Variants in ABCA5 observed in about 807,000 individuals in gnomAD.
ABCA5 encodes ATP binding cassette subfamily A member 5.
Under a neutral mutation model 206.0 loss-of-function variants are expected in ABCA5, and 163 were observed. The ratio of observed to expected loss-of-function variants is 0.79; its 90% confidence interval spans 0.70 to 0.90. The LOEUF is 0.90. Ranked by LOEUF, ABCA5 falls within the 40% of genes least tolerant of loss-of-function variation. The pLI, the probability that ABCA5 is intolerant of heterozygous loss-of-function variation, is 0.00. For missense variants in ABCA5, 1,859 were observed against 1,912.9 expected, an observed-to-expected ratio of 0.97 and a Z score of 0.53; for synonymous variants, 609 against 613.8, an observed-to-expected ratio of 0.99 and a Z score of 0.11.
chr17:69,318,992 T>A, intron 1 of ABCA5: 1 of 502,604 alleles, frequency 2.0e-6, no homozygotes, highest in South Asian at 2.4e-5. Context: ...GAAAAACCCA[T>A]GTCTCCCTCT....
Position 69,311,184 on chromosome 17 carries a change from T to C in ABCA5, c.308-1761A>G, listed in dbSNP as rs1221213134. Among the ~76,000 whole-genome samples, 9 of 151,598 alleles carry C rather than the reference T, an allele frequency of 5.9e-5. 1 individual carries two copies. Among genetic ancestry groups the C allele is most frequent in the Admixed American group, 5.9e-4 (9 of 15,184 alleles). On this transcript the variant is annotated intron_variant, in intron 3 of 38. Transcript: ENST00000392676. ...AAACCAGCTTGACAGTGAGATCCCATCTCAAACAAAAGAAGAAAAAGACAA... is the reference window on the plus strand; with the variant it reads ...AAACCAGCTTGACAGTGAGATCCCACCTCAAACAAAAGAAGAAAAAGACAA...
chr17:69,267,341 G>A (rs76492381), intron 23 of ABCA5, among the ~76,000 whole-genome samples: 2,130 of 152,202 alleles, frequency 0.014, 40 homozygotes, highest in African/African-American at 0.049. Flanking sequence ...GAAAAAGTGG[G>A]AGGCTTTGAA....
rs749081872 is a variant in ABCA5 at position 69,260,330 on chromosome 17, T to C, written c.3639+8A>G. 4.4e-6 allele frequency: 7 copies of C among 1,593,996 alleles called. No individual in the cohort carries two copies. The highest frequency in any genetic ancestry group is 6.0e-6 in the Non-Finnish European group (7 of 1,166,792). ...CATGCTAATTCACAAAAACACTTTA[T>C]TTCTTACCGATATAACAGCTACTGA... On this transcript the variant is annotated splice_region_variant and intron_variant, in intron 27 of 38. Transcript: ENST00000392676.
At chr17:69,254,848 T>C (rs1302539999) in intron 31 of ABCA5, among the ~76,000 whole-genome samples, 2 of 152,090 alleles carry the variant, frequency 1.3e-5, no homozygotes, top group Non-Finnish European at 2.9e-5. Flanking sequence ...TTTTTGATGT[T>C]TGATGATGGA....
chr17:69,256,073 A>G, intron 29 of ABCA5, 84 bp downstream of exon 29: 2 of 1,444,538 alleles, frequency 1.4e-6, no homozygotes, highest in South Asian at 3.1e-5. Flanking sequence ...ATATGCAAAG[A>G]AAAATATTTT....
chr17:69,297,473 T>G (rs1301541774), intron 9 of ABCA5, 114 bp from the exon 10 acceptor site: 24 of 848,900 alleles, frequency 2.8e-5, no homozygotes, highest in South Asian at 2.5e-4. Flanking sequence ...TTCCGCAACA[T>G]ATATATATTT....
chr17:69,308,338 T>G lies in ABCA5; in HGVS notation c.500A>C (p.Gln167Pro), dbSNP rs749865450. The change falls in exon 5 of 39, where the codon CAG becomes CCG. Residue 167 changes from glutamine to proline, a missense_variant. Gln to Pro is a moderately conservative substitution (Grantham distance 76, BLOSUM62 -1). Coordinates refer to ENST00000392676, the MANE Select transcript of ABCA5 (RefSeq NM_172232.4). ...AACTGTGAAACCTGAGGACCAGTAC[T>G]GAGCAGCCTCACATGATTTTGAACA... ...AGCSKSCEAA[Q>P]YWSSGFTVLQ... is the part of the protein sequence containing the mutation. The G allele has an allele frequency of 6.2e-7, 1 of 1,612,164 alleles. No individual in the cohort carries two copies. The highest frequency in any genetic ancestry group is 1.3e-5 in the African/African-American group (1 of 74,868).
chr17:69,314,461 C>A, intron 1 of ABCA5, 31 bp from the exon 2 acceptor site: 1 of 1,372,112 alleles, frequency 7.3e-7, no homozygotes, highest in Non-Finnish European at 1.0e-6. Context: ...ACAAACAAAC[C>A]CGGAGCCACG....
intron 34 of ABCA5, among the ~76,000 whole-genome samples, chr17:69,253,278 A>T (rs542254503): frequency 6.6e-6 from 1 of 152,328 alleles, no homozygotes; most frequent in East Asian, 1.9e-4. Flanking sequence ...TGTATGCTAA[A>T]TGACTAGAAA....
intron 26 of ABCA5, 148 bp downstream of exon 26, chr17:69,260,977 T>C: frequency 1.6e-6 from 1 of 626,312 alleles, no homozygotes; most frequent in South Asian, 2.9e-5. Context: ...GAGCTCACAA[T>C]AATTTATGCT....
At chr17:69,289,497 A>T (rs1265256825) in intron 13 of ABCA5, among the ~76,000 whole-genome samples, 1 of 152,124 alleles carries the variant, frequency 6.6e-6, no homozygotes, top group Non-Finnish European at 1.5e-5. Context: ...TAATTATGAA[A>T]ACAACAGGTA....
At chr17:69,283,926 A>G (rs1423733066) in intron 18 of ABCA5, 27 bp downstream of exon 18, 3 of 1,597,324 alleles carry the variant, frequency 1.9e-6, no homozygotes, top group Non-Finnish European at 2.6e-6. Context: ...TTCATTGCCT[A>G]AAATGTTTTG....
intron 34 of ABCA5, among the ~76,000 whole-genome samples, chr17:69,252,583 C>A (rs950060211): frequency 6.6e-6 from 1 of 152,082 alleles, no homozygotes; most frequent in African/African-American, 2.4e-5. Flanking sequence ...CACCTGTAAT[C>A]CCAGCAGTTT....
At chr17:69,280,610 A>G (rs548882691) in intron 18 of ABCA5, among the ~76,000 whole-genome samples, 2,580 of 151,194 alleles carry the variant, frequency 0.017, 67 homozygotes, top group African/African-American at 0.059. Context: ...CACTATTCAC[A>G]ATAGCAAAGA....
rs1349339604 is a variant in ABCA5 at position 69,298,293 on chromosome 17, G to A, written c.1268-934C>T. Reference sequence around the variant, plus strand: ...GAAGGAAGGAAGGAAGGGAGGGAGGGGAAAGAGAAAGAAAGAGAGAGAGAG... The same window carrying A: ...GAAGGAAGGAAGGAAGGGAGGGAGGAGAAAGAGAAAGAAAGAGAGAGAGAG... On this transcript the variant is annotated intron_variant, in intron 9 of 38. Transcript: ENST00000392676. Among the ~76,000 whole-genome samples, 20 of 30,004 alleles carry A rather than the reference G, an allele frequency of 6.7e-4. 1 individual carries two copies. The highest frequency in any genetic ancestry group is 1.1e-3 in the Admixed American group (2 of 1,812). The allele number at this position is 30,004 out of a possible 152,430, so 19.7% of individuals were successfully genotyped here. A position where few individuals can be genotyped will look rare whatever the true frequency, so the allele number is the denominator to read the frequency against.
At chr17:69,269,957 T>C (rs1241051074) in intron 22 of ABCA5, among the ~76,000 whole-genome samples, 1 of 152,092 alleles carries the variant, frequency 6.6e-6, no homozygotes, top group East Asian at 1.9e-4. Flanking sequence ...GTATAAGGGT[T>C]ATTTTTTTTG....
intron 19 of ABCA5, among the ~76,000 whole-genome samples, chr17:69,276,052 G>T (rs1014621460): frequency 7.2e-6 from 1 of 137,942 alleles, no homozygotes; most frequent in Non-Finnish European, 1.5e-5. Flanking sequence ...TGTCATGGCA[G>T]TCAAAGCTGA....
rs1455051651 is a variant in ABCA5 at position 69,289,881 on chromosome 17, G to C, written c.1763C>G (p.Ala588Gly). Residue 588 changes from alanine (A) to glycine (G), a missense_variant, in exon 13 of 39, where the codon GCC (alanine) becomes GGC (glycine). Ala to Gly is a moderately conservative substitution (Grantham distance 60). Transcript: ENST00000392676. Reference protein sequence around the residue: ...SILASIKGIPANNIIQEVQKV... With the variant: ...SILASIKGIPGNNIIQEVQKV... Reference sequence around the variant, plus strand: ...GCATACTTCTTGTATTATATTGTTGGCTGGTATCCCTTTGATTGAAGCCAA... The same window carrying C: ...GCATACTTCTTGTATTATATTGTTGCCTGGTATCCCTTTGATTGAAGCCAA... The C allele has an allele frequency of 3.7e-6, 6 of 1,608,378 alleles. No individual in the cohort carries two copies. Among genetic ancestry groups the C allele is most frequent in the African/African-American group, 1.3e-5 (1 of 74,776 alleles).
chr17:69,313,403 T>C (rs1407442187), intron 2 of ABCA5, 107 bp from the exon 3 acceptor site: 1 of 469,774 alleles, frequency 2.1e-6, no homozygotes, highest in Non-Finnish European at 3.3e-6. Context: ...GAAATTTGGT[T>C]GTCCTTTCTT....
Sources: allele counts gnomAD v4.1 joint callset (sites outside exome capture counted in the v4.1 genomes callset), GRCh38; gene constraint gnomAD v4.1.1; transcripts MANE v1.5; gene names NCBI Gene and HGNC (gene_info 2026-07-23, HGNC 2026-07-21).